Variants in MSH3 observed in about 807,000 individuals in gnomAD.
The protein encoded by MSH3 is DNA mismatch repair protein Msh3.
Under a neutral mutation model 123.3 loss-of-function variants are expected in MSH3, and 106 were observed. The observed-to-expected ratio is 0.86, with a 90% CI of 0.73 to 1.01. The LOEUF (loss-of-function observed/expected upper bound fraction) is 1.01, where lower values mean the gene tolerates loss of function less well. Ranked by LOEUF, MSH3 falls within the 50% of genes least tolerant of loss-of-function variation. MSH3 has a pLI of 0.00. For synonymous variants in MSH3, 515 were observed against 481.4 expected (o/e 1.07, Z -0.91); for missense variants, 1,459 against 1,347.6 (o/e 1.08, Z -1.29).
At chr5:80,763,282 C>T (rs1028023752) in intron 13 of MSH3, among the ~76,000 whole-genome samples, 50 of 152,174 alleles carry the variant, frequency 3.3e-4, no homozygotes, top group African/African-American at 1.2e-3. Context: ...AGAGGACTTA[C>T]GTAACTGTTT....
At chr5:80,709,511 A>G (rs1288946503) in intron 8 of MSH3, among the ~76,000 whole-genome samples, 1 of 151,820 alleles carries the variant, frequency 6.6e-6, no homozygotes, top group African/African-American at 2.4e-5. Flanking sequence ...AGTCCCAGCT[A>G]CTCCGGAGGC....
intron 19 of MSH3, among the ~76,000 whole-genome samples, chr5:80,793,622 G>C (rs535673092): frequency 6.6e-6 from 1 of 152,164 alleles, no homozygotes; most frequent in Non-Finnish European, 1.5e-5. Flanking sequence ...AGAAGAACCA[G>C]CATGGCAGAT....
In MSH3 at chr5:80,813,617, C is replaced by A; in HGVS notation, c.2689C>A (p.Pro897Thr). Residue 897 changes from proline (P) to threonine (T), a missense_variant, in exon 20 of 24, where the codon CCA becomes ACA. Coordinates refer to ENST00000265081, the MANE Select transcript of MSH3 (RefSeq NM_002439.5). ...AGAGAGAGTAATGATAATTACCGGA[C>A]CAAACATGGGTGGAAAGAGCTCCTA... Reference protein sequence around the residue: ...DSERVMIITGPNMGGKSSYIK... With the variant: ...DSERVMIITGTNMGGKSSYIK... The A allele has an allele frequency of 1.2e-6, 2 of 1,614,002 alleles. No homozygotes were observed. The highest frequency in any genetic ancestry group is 1.7e-6 in the Non-Finnish European group (2 of 1,179,982).
chr5:80,723,545 A>G (rs1338324761), intron 8 of MSH3, among the ~76,000 whole-genome samples: 1 of 152,218 alleles, frequency 6.6e-6, no homozygotes. Context: ...TATAAGAAAT[A>G]ATAAAATACT....
rs536150054 is a variant in MSH3 at position 80,655,114 on chromosome 5, C to A, written c.237+150C>A. On this transcript the variant is annotated intron_variant, in intron 1 of 23. Coordinates refer to ENST00000265081, the MANE Select transcript of MSH3 (RefSeq NM_002439.5). Reference sequence around the variant, plus strand: ...GAAGGGGAAGGTGGGAAGAGCCCAGCCGGGGCTACAAATTGGGTGAAGCGC... The same window carrying A: ...GAAGGGGAAGGTGGGAAGAGCCCAGACGGGGCTACAAATTGGGTGAAGCGC... The A allele has an allele frequency of 5.3e-4, 282 of 529,114 alleles. 1 individual carries two copies. The highest frequency in any genetic ancestry group is 8.4e-4 in the Non-Finnish European group (259 of 307,850). The allele number at this position is 529,114 out of a possible 1,614,324, so 32.8% of individuals were successfully genotyped here. A position where few individuals can be genotyped will look rare whatever the true frequency, so the allele number is the denominator to read the frequency against.
rs752400305 is a variant in MSH3 at position 80,768,926 on chromosome 5, A to C, written c.2176A>C (p.Ile726Leu). Reference sequence around the variant, plus strand: ...TGAAATTCAAGGTGTTATTGACGAGATCCGAATGCATTTGCAAGAAATACG... The same window carrying C: ...TGAAATTCAAGGTGTTATTGACGAGCTCCGAATGCATTTGCAAGAAATACG... ...KDEIQGVIDEIRMHLQEIRKI... is the reference protein window; with the variant it reads ...KDEIQGVIDELRMHLQEIRKI... The change falls in exon 15 of 24, where the codon ATC becomes CTC. Residue 726 changes from isoleucine to leucine, a missense_variant. Physicochemically the swap from Ile to Leu is conservative, Grantham distance 5. Transcript: ENST00000265081. The C allele has an allele frequency of 8.2e-5, 132 of 1,612,900 alleles. No homozygotes were observed. The highest frequency in any genetic ancestry group is 1.0e-4 in the Non-Finnish European group (119 of 1,179,242).
intron 19 of MSH3, among the ~76,000 whole-genome samples, chr5:80,800,137 A>T (rs528967374): frequency 2.6e-5 from 4 of 152,384 alleles, no homozygotes; most frequent in Non-Finnish European, 5.9e-5. Context: ...GGGAACACTT[A>T]ATAGAATGTA....
intron 20 of MSH3, among the ~76,000 whole-genome samples, chr5:80,850,994 C>A (rs1745821442): frequency 6.6e-6 from 1 of 152,080 alleles, no homozygotes; most frequent in Non-Finnish European, 1.5e-5. Context: ...TTTCTGGTGA[C>A]CTCATTTTTT....
intron 19 of MSH3, among the ~76,000 whole-genome samples, chr5:80,795,582 C>T (rs1394276736): frequency 1.3e-5 from 2 of 152,152 alleles, no homozygotes; most frequent in Non-Finnish European, 2.9e-5. Flanking sequence ...TCTTCTAATA[C>T]CATTGCCTTG....
intron 3 of MSH3, among the ~76,000 whole-genome samples, chr5:80,666,291 A>G (rs1365886473): frequency 6.6e-6 from 1 of 152,162 alleles, no homozygotes; most frequent in Non-Finnish European, 1.5e-5. Context: ...GTGTGTATGT[A>G]TATATATGAG....
intron 20 of MSH3, among the ~76,000 whole-genome samples, chr5:80,840,043 A>AT (rs1356195875): frequency 6.6e-6 from 1 of 152,162 alleles, no homozygotes; most frequent in Non-Finnish European, 1.5e-5. Flanking sequence ...ATATGAAGAA[A>AT]TTTTTTATCA....
chr5:80,799,145 C>T (rs759534281), intron 19 of MSH3, among the ~76,000 whole-genome samples: 1 of 152,282 alleles, frequency 6.6e-6, no homozygotes, highest in South Asian at 2.1e-4. Context: ...TCACAGCCAG[C>T]CCTCACACCC....
chr5:80,860,278 C>A (rs1296101633), intron 21 of MSH3, among the ~76,000 whole-genome samples: 1 of 151,962 alleles, frequency 6.6e-6, no homozygotes, highest in Admixed American at 6.6e-5. Flanking sequence ...AGTTTCTGAC[C>A]CCTGTCATTT....
chr5:80,660,537 T>G (rs1282251938), intron 2 of MSH3, among the ~76,000 whole-genome samples: 2 of 152,174 alleles, frequency 1.3e-5, no homozygotes, highest in African/African-American at 4.8e-5. Flanking sequence ...AAAATATATT[T>G]TTAGCATAAA....
intron 20 of MSH3, among the ~76,000 whole-genome samples, chr5:80,840,574 C>G (rs569446563): frequency 1.3e-5 from 2 of 152,008 alleles, no homozygotes; most frequent in Non-Finnish European, 2.9e-5. Context: ...CCACCACACC[C>G]GGCTAATTTT....
chr5:80,658,724 A>G (rs1490858772), intron 2 of MSH3, among the ~76,000 whole-genome samples: 7 of 151,716 alleles, frequency 4.6e-5, no homozygotes, highest in Admixed American at 3.9e-4. Flanking sequence ...TCCTAGTAGC[A>G]AGGACCACAG....
At chr5:80,801,109 G>A (rs139707108) in intron 19 of MSH3, among the ~76,000 whole-genome samples, 6 of 152,352 alleles carry the variant, frequency 3.9e-5, no homozygotes, top group East Asian at 1.9e-4. Flanking sequence ...AGAATGGATC[G>A]GAGGCAGACA....
chr5:80,740,376 GA>G (rs1342257817), intron 10 of MSH3, among the ~76,000 whole-genome samples: 2 of 145,210 alleles, frequency 1.4e-5, no homozygotes, highest in East Asian at 4.0e-4. Flanking sequence ...TTTTTTTTTG[GA>G]GACGGAGTCA....
chr5:80,756,896 T>C (rs1743936223), intron 12 of MSH3, among the ~76,000 whole-genome samples: 1 of 152,192 alleles, frequency 6.6e-6, no homozygotes. Flanking sequence ...ATGGTTCATG[T>C]TTCTGACAGG....
Sources: allele counts gnomAD v4.1 joint callset (sites outside exome capture counted in the v4.1 genomes callset), GRCh38; gene constraint gnomAD v4.1.1; transcripts MANE v1.5; gene names NCBI Gene and HGNC (gene_info 2026-07-23, HGNC 2026-07-21).